MEIG1: variants seen among roughly 807,000 people sequenced by gnomAD.
MEIG1 encodes meiosis expressed gene 1 protein homolog.
MEIG1 carries 12 observed loss-of-function variants against 11.3 expected under a neutral mutation model. The observed-to-expected ratio is 1.07, with a 90% CI of 0.68 to 1.73. MEIG1 has a LOEUF of 1.73. Among genes scored for constraint, MEIG1 ranks in the 40% most tolerant of loss-of-function variants. MEIG1 has a pLI of 0.00. For synonymous variants in MEIG1, 41 were observed against 33.2 expected (o/e 1.24, Z -0.81); for missense variants, 119 against 104.9 (o/e 1.13, Z -0.59).
chr10:14,959,809 T>C (rs1337825660), intron 1 of MEIG1, among the ~76,000 whole-genome samples: 1 of 152,182 alleles, frequency 6.6e-6, no homozygotes, highest in Non-Finnish European at 1.5e-5. Flanking sequence ...CCGGACCCCA[T>C]TGGCTTTAGG....
chr10:14,982,305 A>G (rs575624047), intron 1 of MEIG1, among the ~76,000 whole-genome samples: 3 of 151,976 alleles, frequency 2.0e-5, no homozygotes, highest in South Asian at 2.1e-4. Flanking sequence ...TGTGGGTCCA[A>G]CTGGTGGTCG....
At chr10:14,956,481 C>T (rs904955006), upstream of MEIG1, among the ~76,000 whole-genome samples, 1 of 152,070 alleles carries the variant, frequency 6.6e-6, no homozygotes, top group Non-Finnish European at 1.5e-5. Context: ...ACTCAGGAGG[C>T]TGAGGCAGGA....
intron 1 of MEIG1, among the ~76,000 whole-genome samples, chr10:14,984,815 G>T (rs1406295009): frequency 2.6e-5 from 4 of 152,074 alleles, no homozygotes; most frequent in African/African-American, 9.7e-5. Context: ...GTCACACGGG[G>T]TGGACACACA....
downstream of MEIG1, among the ~76,000 whole-genome samples, chr10:14,975,390 A>C (rs1250242691): frequency 6.6e-6 from 1 of 151,974 alleles, no homozygotes; most frequent in East Asian, 1.9e-4. Flanking sequence ...GGAGAGGCTG[A>C]TATGACTCCC....
chr10:14,978,155 C>T (rs566212739), intron 1 of MEIG1, among the ~76,000 whole-genome samples: 44 of 151,902 alleles, frequency 2.9e-4, no homozygotes, highest in Admixed American at 9.2e-4. Flanking sequence ...AATATCACAC[C>T]CTGTGATACC....
chr10:14,982,156 T>G (rs1042221112), intron 1 of MEIG1, among the ~76,000 whole-genome samples: 38 of 152,184 alleles, frequency 2.5e-4, no homozygotes, highest in African/African-American at 5.1e-4. Flanking sequence ...GTCTCTCGTA[T>G]AATTGTGCTG....
In MEIG1 at chr10:14,972,818, T is replaced by G; in HGVS notation, c.*177T>G. ...AATCACCTTGTCCTGTTCTAAGAAC[T>G]GGCTGCAGATGCATTAAAGTTGTAC... On this transcript the variant is annotated 3_prime_UTR_variant, in exon 3 of 3. Transcript: ENST00000407572. 1 of 547,448 alleles carries G rather than the reference T, an allele frequency of 1.8e-6. No individual in the cohort carries two copies. Among genetic ancestry groups the G allele is most frequent in the East Asian group, 3.4e-5 (1 of 29,048 alleles). The allele number at this position is 547,448 out of a possible 1,614,324, so 33.9% of individuals were successfully genotyped here.
downstream of MEIG1, among the ~76,000 whole-genome samples, chr10:14,974,458 A>T (rs1843189575): frequency 6.6e-6 from 1 of 152,050 alleles, no homozygotes; most frequent in African/African-American, 2.4e-5. Context: ...CCTGGTACCC[A>T]AAAACACGCC....
chr10:14,986,413 T>C (rs1193960242), intron 1 of MEIG1, among the ~76,000 whole-genome samples: 1 of 152,192 alleles, frequency 6.6e-6, no homozygotes, highest in Non-Finnish European at 1.5e-5. Context: ...AGGAAGTTTC[T>C]TACCAAACCA....
chr10:14,958,260 A>G (rs931603511), upstream of MEIG1, among the ~76,000 whole-genome samples: 2 of 148,920 alleles, frequency 1.3e-5, no homozygotes, highest in African/African-American at 5.1e-5. Context: ...AAGTTCAGAG[A>G]AAGACCGGGC....
intron 1 of MEIG1, among the ~76,000 whole-genome samples, chr10:14,964,647 T>TTTC (rs1843058476): frequency 7.4e-6 from 1 of 135,854 alleles, no homozygotes; most frequent in East Asian, 2.1e-4. Flanking sequence ...TTTTTTTTTT[T>TTTC]TTTTTTTTTT....
At position 14,978,136 on chromosome 10, in the gene MEIG1, G is replaced by T. The variant is rs569084141; in HGVS notation, n.66+5516G>T. ...ATCACATGTGTTATCCTAGGAAGAG[G>T]TTACTCCTAATATCACACCCTGTGA... On this transcript the variant is annotated intron_variant and non_coding_transcript_variant, in intron 1 of 2. Transcript: ENST00000467536. Among the ~76,000 whole-genome samples, 4 of 151,850 alleles carry T rather than the reference G, an allele frequency of 2.6e-5. 1 individual carries two copies. Among genetic ancestry groups the T allele is most frequent in the African/African-American group, 9.7e-5 (4 of 41,376 alleles).
At chr10:14,981,340 G>C (rs1316697762) in intron 1 of MEIG1, among the ~76,000 whole-genome samples, 1 of 152,068 alleles carries the variant, frequency 6.6e-6, no homozygotes, top group Non-Finnish European at 1.5e-5. Flanking sequence ...GCTGTGTTCT[G>C]TCAAAGAGAG....
chr10:14,976,226 A>G (rs1052749522), downstream of MEIG1, among the ~76,000 whole-genome samples: 2 of 152,178 alleles, frequency 1.3e-5, no homozygotes, highest in Non-Finnish European at 2.9e-5. Flanking sequence ...TATTCTAGCA[A>G]GATGCCACTA....
upstream of MEIG1, among the ~76,000 whole-genome samples, chr10:14,957,448 T>C (rs545745534): frequency 1.3e-5 from 2 of 152,272 alleles, no homozygotes; most frequent in South Asian, 4.1e-4. Flanking sequence ...TACTGTGTGC[T>C]AGGCAGTGTT....
At chr10:14,986,792 G>A (rs534327890) in intron 1 of MEIG1, 90 of 344,238 alleles carry the variant, frequency 2.6e-4, no homozygotes, top group African/African-American at 1.6e-3. Context: ...TGTTTTTTCC[G>A]TAGAGACGGG....
At chr10:14,977,253 C>T (rs889346008), downstream of MEIG1, among the ~76,000 whole-genome samples, 5 of 151,920 alleles carry the variant, frequency 3.3e-5, no homozygotes, top group African/African-American at 1.2e-4. Flanking sequence ...ATGATACTCC[C>T]AATGTCACAG....
chr10:14,981,702 C>T (rs1024739384), intron 1 of MEIG1, among the ~76,000 whole-genome samples: 2 of 152,138 alleles, frequency 1.3e-5, no homozygotes, highest in African/African-American at 4.8e-5. Context: ...CCTCCTAGTC[C>T]AGGGCCTCCT....
rs760291063 is a variant in MEIG1, at chr10:14,972,506, T to A, written c.139-7T>A. 1 of 1,613,908 alleles carries A rather than the reference T, an allele frequency of 6.2e-7. No individual in the cohort carries two copies. The highest frequency in any genetic ancestry group is 8.5e-7 in the Non-Finnish European group (1 of 1,179,942). On this transcript the variant is annotated splice_region_variant and splice_polypyrimidine_tract_variant and intron_variant, in intron 2 of 2. Transcript: ENST00000407572. Reference sequence around the variant, plus strand: ...GTAACGTTTGTACTCTGGTTCTTGATGTGCAGGTAGATCGTTGGCCGGAGA... The same window carrying A: ...GTAACGTTTGTACTCTGGTTCTTGAAGTGCAGGTAGATCGTTGGCCGGAGA...
Sources: gnomAD v4.1 joint callset for allele counts (sites outside exome capture counted in the v4.1 genomes callset) on GRCh38, gnomAD v4.1.1 for gene constraint, MANE v1.5 for transcripts, NCBI Gene and HGNC (gene_info 2026-07-23, HGNC 2026-07-21) for gene names.